DPYD: variants seen among roughly 807,000 people sequenced by gnomAD.
DPYD encodes the protein dihydropyrimidine dehydrogenase [NADP(+)].
DPYD carries 109 observed loss-of-function variants against 116.2 expected under a neutral mutation model. The ratio of observed to expected loss-of-function variants is 0.94; its 90% confidence interval spans 0.80 to 1.10. The LOEUF is 1.10. DPYD is among the 50% of genes least tolerant of loss of function. DPYD has a pLI of 0.00. For synonymous variants in DPYD, 440 were observed against 432.0 expected, an observed-to-expected ratio of 1.02 and a Z score of -0.23; for missense variants, 1,302 against 1,254.5, an observed-to-expected ratio of 1.04 and a Z score of -0.57.
intron 20 of DPYD, among the ~76,000 whole-genome samples, chr1:97,150,080 A>C (rs1444581256): frequency 6.6e-6 from 1 of 151,946 alleles, no homozygotes; most frequent in Non-Finnish European, 1.5e-5. Context: ...GTTTTTGCAC[A>C]CCTTCACAAA....
At chr1:97,652,271 CT>C (rs1481539372) in intron 8 of DPYD, among the ~76,000 whole-genome samples, 2 of 152,106 alleles carry the variant, frequency 1.3e-5, no homozygotes, top group African/African-American at 4.8e-5. Flanking sequence ...GTTATTCATC[CT>C]CTTTGACTAA....
At chr1:97,290,929 C>T (rs1666104196) in intron 18 of DPYD, among the ~76,000 whole-genome samples, 1 of 151,704 alleles carries the variant, frequency 6.6e-6, no homozygotes, top group African/African-American at 2.4e-5. Context: ...ATTTTCACAA[C>T]CTACTCATCT....
intron 20 of DPYD, among the ~76,000 whole-genome samples, chr1:97,099,395 C>T (rs1225817202): frequency 3.9e-5 from 6 of 152,066 alleles, no homozygotes; most frequent in Non-Finnish European, 8.8e-5. Flanking sequence ...TAGAAAGATA[C>T]CTGGGCGTCA....
intron 13 of DPYD, among the ~76,000 whole-genome samples, chr1:97,458,694 G>A (rs1676845183): frequency 6.6e-6 from 1 of 152,144 alleles, no homozygotes; most frequent in Non-Finnish European, 1.5e-5. Flanking sequence ...GAGAGCAATG[G>A]CGGGTCATGC....
chr1:97,473,915 G>T (rs561972973), intron 13 of DPYD, among the ~76,000 whole-genome samples: 1 of 151,916 alleles, frequency 6.6e-6, no homozygotes, highest in South Asian at 2.1e-4. Flanking sequence ...GGGAGGCTGA[G>T]GTGGGAGGAT....
chr1:97,104,751 C>A (rs1282967779), intron 20 of DPYD, among the ~76,000 whole-genome samples: 1 of 152,108 alleles, frequency 6.6e-6, no homozygotes, highest in Non-Finnish European at 1.5e-5. Context: ...GGACTGCTAA[C>A]CCTCTGTTCC....
chr1:97,494,477 CA>C (rs1255511597), intron 13 of DPYD, among the ~76,000 whole-genome samples: 2 of 152,170 alleles, frequency 1.3e-5, no homozygotes, highest in Non-Finnish European at 2.9e-5. Flanking sequence ...AATTTCATTG[CA>C]ATTTCTGTCT....
rs536556941 is a variant in DPYD, at chr1:97,274,140, T to G, written c.2299+31119A>C. Among the ~76,000 whole-genome samples the G allele has an allele frequency of 8.7e-4, 133 of 152,242 alleles. 2 individuals are homozygous for G. Among genetic ancestry groups the G allele is most frequent in the African/African-American group, 3.1e-3 (130 of 41,528 alleles). ...ATAAAAACGAGAAAATAAATATGAA[T>G]TTGGATATATACATCTAAATTCAAG... On this transcript the variant is annotated intron_variant, in intron 18 of 22. Coordinates refer to ENST00000370192, the MANE Select transcript of DPYD (RefSeq NM_000110.4).
chr1:97,618,933 A>T (rs896174754), intron 8 of DPYD, among the ~76,000 whole-genome samples: 1 of 152,182 alleles, frequency 6.6e-6, no homozygotes, highest in Non-Finnish European at 1.5e-5. Flanking sequence ...AACATCCAGG[A>T]TGCAATCTTG....
intron 20 of DPYD, among the ~76,000 whole-genome samples, chr1:97,131,589 A>C (rs1382795758): frequency 6.6e-6 from 1 of 152,176 alleles, no homozygotes; most frequent in African/African-American, 2.4e-5. Context: ...AGAGCAGTGG[A>C]AGCTGAAGAG....
intron 2 of DPYD, among the ~76,000 whole-genome samples, chr1:97,829,630 A>C (rs1181958172): frequency 2.6e-5 from 4 of 152,132 alleles, no homozygotes; most frequent in Non-Finnish European, 5.9e-5. Context: ...TCAAAGTTAT[A>C]AATGTTGTTG....
Position 97,305,422 on chromosome 1 carries a change from A to G in DPYD, c.2180-44T>C, listed in dbSNP as rs672601280. Reference sequence around the variant, plus strand: ...CATTTTCATGCAGCTCTTATAAGACACGATAGTTAAAACCCATTCAAACCC... The same window carrying G: ...CATTTTCATGCAGCTCTTATAAGACGCGATAGTTAAAACCCATTCAAACCC... On this transcript the variant is annotated intron_variant, in intron 17 of 22. Transcript: ENST00000370192. 57 of 1,610,828 alleles carry G rather than the reference A, an allele frequency of 3.5e-5. No homozygotes were observed. Among genetic ancestry groups the G allele is most frequent in the Non-Finnish European group, 4.8e-5 (56 of 1,178,054 alleles).
intron 20 of DPYD, among the ~76,000 whole-genome samples, chr1:97,125,643 G>T (rs1652779460): frequency 6.6e-6 from 1 of 152,150 alleles, no homozygotes; most frequent in Non-Finnish European, 1.5e-5. Flanking sequence ...GTAGTAGGAG[G>T]TAGGGACTTT....
chr1:97,421,518 T>A (rs1477339816), intron 14 of DPYD, among the ~76,000 whole-genome samples: 1 of 151,002 alleles, frequency 6.6e-6, no homozygotes, highest in Non-Finnish European at 1.5e-5. Context: ...TAAGGATGGG[T>A]TTTTGGTCAG....
At position 97,606,922 on chromosome 1, in the gene DPYD, C is replaced by T. The variant is rs76858748; in HGVS notation, c.851-11756G>A. Among the ~76,000 whole-genome samples the T allele has an allele frequency of 7.0e-3, 1,059 of 151,878 alleles. 18 individuals are homozygous for T. Among genetic ancestry groups the T allele is most frequent in the African/African-American group, 0.024 (974 of 41,424 alleles). On this transcript the variant is annotated intron_variant, in intron 8 of 22. Transcript: ENST00000370192. ...ATAGCTTAGTATAAACACAGCTTAC[C>T]CTCCTGGGGCAACAATTTCACTCAA...
intron 14 of DPYD, among the ~76,000 whole-genome samples, chr1:97,391,043 TTCC>T: frequency 7.3e-6 from 1 of 136,230 alleles, no homozygotes; most frequent in South Asian, 2.9e-4. Context: ...CCACTTACTT[TTCC>T]TCTTTTTTTT....
At position 97,696,883 on chromosome 1, in the gene DPYD, T is replaced by C. The variant is rs185229803; in HGVS notation, c.680+2468A>G. Among the ~76,000 whole-genome samples, 83 of 152,248 alleles carry C rather than the reference T, an allele frequency of 5.5e-4. 1 individual carries two copies. The East Asian group carries it at 0.015, about 28-fold the overall frequency. On this transcript the variant is annotated intron_variant, in intron 6 of 22. Coordinates refer to ENST00000370192, the MANE Select transcript of DPYD (RefSeq NM_000110.4). ...AACTAGTTCACCTAGACCTCATTTC[T>C]CTTTATTGTCAATCAACAAGAAAAA...
Position 97,530,460 on chromosome 1 carries a change from G to A in DPYD, c.1525-14519C>T, listed in dbSNP as rs999085709. Reference sequence around the variant, plus strand: ...TCTCGATCTCCTGACCTCGTGATCCGCCCGCCTCGGCCTCCCAAAGGGCTG... The same window carrying A: ...TCTCGATCTCCTGACCTCGTGATCCACCCGCCTCGGCCTCCCAAAGGGCTG... On this transcript the variant is annotated intron_variant, in intron 12 of 22. Transcript: ENST00000370192. Among the ~76,000 whole-genome samples the A allele has an allele frequency of 7.9e-5, 12 of 151,802 alleles. No homozygotes were observed. In the South Asian group the frequency reaches 1.7e-3, roughly 21 times the overall value.
At chr1:97,911,444 G>T (rs1673930945) in intron 1 of DPYD, among the ~76,000 whole-genome samples, 1 of 152,090 alleles carries the variant, frequency 6.6e-6, no homozygotes, top group African/African-American at 2.4e-5. Flanking sequence ...GCTTTAAAAT[G>T]TAGCAAAAAT....
Sources: allele counts gnomAD v4.1 joint callset (sites outside exome capture counted in the v4.1 genomes callset), GRCh38; gene constraint gnomAD v4.1.1; transcripts MANE v1.5; gene names NCBI Gene and HGNC (gene_info 2026-07-23, HGNC 2026-07-21).